Variants in PGS1 observed in about 807,000 individuals in gnomAD.
PGS1 encodes CDP-diacylglycerol--glycerol-3-phosphate 3-phosphatidyltransferase, mitochondrial.
A neutral mutation model predicts 58.3 loss-of-function variants in PGS1; 44 were observed. The observed-to-expected ratio is 0.75, with a 90% confidence interval of 0.59 to 0.97. The LOEUF (loss-of-function observed/expected upper bound fraction) is 0.97, where lower values mean the gene tolerates loss of function less well. Ranked by LOEUF, PGS1 falls within the 50% of genes least tolerant of loss-of-function variation. The pLI, the probability that PGS1 is intolerant of heterozygous loss-of-function variation, is 0.00. For synonymous variants in PGS1, 330 were observed against 311.0 expected, an observed-to-expected ratio of 1.06 and a Z score of -0.64; for missense variants, 684 against 731.1, an observed-to-expected ratio of 0.94 and a Z score of 0.74.
chr17:78,378,877 C>G, intron 1 of PGS1, 69 bp downstream of exon 1: 2 of 1,340,532 alleles, frequency 1.5e-6, no homozygotes, highest in Non-Finnish European at 1.9e-6. Flanking sequence ...CGCTCAAACT[C>G]CCGGCCCCAG....
At chr17:78,393,611 A>G (rs1453888746) in intron 2 of PGS1, among the ~76,000 whole-genome samples, 1 of 152,146 alleles carries the variant, frequency 6.6e-6, no homozygotes, top group Non-Finnish European at 1.5e-5. Flanking sequence ...GTGCGATTTG[A>G]TATGCATGAA....
intron 7 of PGS1, among the ~76,000 whole-genome samples, chr17:78,408,144 T>G (rs1279317719): frequency 6.6e-5 from 10 of 152,242 alleles, no homozygotes; most frequent in African/African-American, 1.2e-4. Flanking sequence ...TCTATCACAT[T>G]TCAATAAATT....
At chr17:78,421,743 C>G (rs1188587101) in intron 9 of PGS1, 2 of 152,088 alleles carry the variant, frequency 1.3e-5, no homozygotes, top group African/African-American at 4.8e-5. Context: ...CACAGCCAGG[C>G]TTAAGCAATC....
At chr17:78,387,943 C>T (rs1567943017) in intron 1 of PGS1, among the ~76,000 whole-genome samples, 1 of 152,140 alleles carries the variant, frequency 6.6e-6, no homozygotes, top group African/African-American at 2.4e-5. Flanking sequence ...GTCTCCTTGG[C>T]ATATGTTGTC....
chr17:78,392,762 C>A, intron 2 of PGS1, 97 bp downstream of exon 2: 1 of 896,442 alleles, frequency 1.1e-6, no homozygotes, highest in East Asian at 2.5e-5. Context: ...CTTTGGATAG[C>A]TGCTCAAGCT....
At chr17:78,412,174 C>T (rs1311578961) in intron 7 of PGS1, among the ~76,000 whole-genome samples, 3 of 152,158 alleles carry the variant, frequency 2.0e-5, no homozygotes, top group East Asian at 1.9e-4. Context: ...AGCAGCACCC[C>T]GTGGCATCTC....
At chr17:78,388,380 G>A (rs886967992) in intron 1 of PGS1, among the ~76,000 whole-genome samples, 4 of 152,184 alleles carry the variant, frequency 2.6e-5, no homozygotes, top group African/African-American at 7.2e-5. Context: ...GGGTTTTTCT[G>A]CTGAAAGTGG....
intron 1 of PGS1, among the ~76,000 whole-genome samples, chr17:78,386,838 G>T (rs920397150): frequency 3.3e-5 from 5 of 152,172 alleles, no homozygotes; most frequent in African/African-American, 1.2e-4. Context: ...CCCCCATGGG[G>T]TTCTGTCTGA....
rs2082902909 is a variant in PGS1 at position 78,392,482 on chromosome 17, A to G, written c.150A>G (p.Pro50=). The stretch of plus-strand genomic sequence containing the variant: ...TGCATATTTCTTTAACCAGGTCACC[A>G]TGGCTGTTATTGGCTCCCTTGCTGT... ...RNRDRQRRRS[P]WLLLAPLLSP... is the part of the protein sequence containing the mutation. The change falls in exon 2 of 10, where the codon CCA becomes CCG. Residue 50 remains proline, a synonymous_variant. Coordinates refer to ENST00000262764, the MANE Select transcript of PGS1 (RefSeq NM_024419.5). 6.2e-7 allele frequency: 1 copy of G among 1,611,246 alleles called. No homozygotes were observed. Among genetic ancestry groups the G allele is most frequent in the Non-Finnish European group, 8.5e-7 (1 of 1,178,856 alleles).
At chr17:78,390,328 G>A (rs1384708590) in intron 1 of PGS1, among the ~76,000 whole-genome samples, 6 of 147,914 alleles carry the variant, frequency 4.1e-5, no homozygotes, top group African/African-American at 1.5e-4. Flanking sequence ...ACGGGGGTGG[G>A]GGAGGAACAG....
intron 1 of PGS1, among the ~76,000 whole-genome samples, chr17:78,382,281 A>AG (rs2082086534): frequency 6.6e-6 from 1 of 152,194 alleles, no homozygotes; most frequent in Admixed American, 6.5e-5. Flanking sequence ...TCTGGGCCAG[A>AG]GACCCAGGAA....
chr17:78,390,193 C>A (rs2090205), intron 1 of PGS1, among the ~76,000 whole-genome samples: 30,835 of 151,900 alleles, frequency 0.2, 3,290 homozygotes, highest in South Asian at 0.25. Flanking sequence ...CCTTCGCTCT[C>A]CTCTCTTGAG....
intron 2 of PGS1, among the ~76,000 whole-genome samples, chr17:78,393,150 T>G (rs570948314): frequency 2.6e-4 from 40 of 151,438 alleles, no homozygotes; most frequent in Middle Eastern, 3.4e-3. Context: ...AAGCTCCGCC[T>G]CTCGGGTTCA....
In PGS1 at chr17:78,403,599, T is replaced by G. The variant is rs2146231424; in HGVS notation, c.912T>G (p.Asn304Lys). 1 of 1,613,188 alleles carries G rather than the reference T, an allele frequency of 6.2e-7. No individual in the cohort carries two copies. Among genetic ancestry groups the G allele is most frequent in the East Asian group, 2.2e-5 (1 of 44,852 alleles). The change falls in exon 7 of 10, where the codon AAT becomes AAG. Residue 304 changes from asparagine (N) to lysine (K), a missense_variant. By Grantham distance (94) the Asn-to-Lys change is moderately conservative (BLOSUM62 0). Transcript: ENST00000262764. ...GDRAEYCKAA[N>K]KRVMDVINSA... ...GGGCCGAGTACTGCAAGGCAGCCAATAAGAGGGTCATGGATGTGATCAACT... is the reference window on the plus strand; with the variant it reads ...GGGCCGAGTACTGCAAGGCAGCCAAGAAGAGGGTCATGGATGTGATCAACT...
At chr17:78,417,068 C>A (rs1288736958) in intron 8 of PGS1, among the ~76,000 whole-genome samples, 65 of 152,294 alleles carry the variant, frequency 4.3e-4, no homozygotes, top group Non-Finnish European at 2.9e-5. Context: ...TTAGTACATA[C>A]AATAAACACT....
At chr17:78,412,957 A>C (rs955338980) in intron 7 of PGS1, among the ~76,000 whole-genome samples, 1 of 89,358 alleles carries the variant, frequency 1.1e-5, no homozygotes, top group Admixed American at 1.2e-4. Flanking sequence ...AGGGGGTGGG[A>C]GGGGGGCTCT....
chr17:78,420,880 T>TC (rs1568013201), intron 9 of PGS1: 1 of 152,184 alleles, frequency 6.6e-6, no homozygotes, highest in East Asian at 1.9e-4. Flanking sequence ...CCTGCTGTCT[T>TC]CCCCCAAAAT....
intron 9 of PGS1, among the ~76,000 whole-genome samples, chr17:78,423,139 C>CAAGA: frequency 6.6e-6 from 1 of 151,958 alleles, no homozygotes; most frequent in African/African-American, 2.4e-5. Context: ...TGTCTTGGTC[C>CAAGA]CCCTGGGATC....
chr17:78,417,655 G>A (rs1363666838), intron 8 of PGS1, among the ~76,000 whole-genome samples: 1 of 152,076 alleles, frequency 6.6e-6, no homozygotes. Context: ...AGTGGCACAG[G>A]CCACCGCTGC....
Sources: gnomAD v4.1 joint callset for allele counts (sites outside exome capture counted in the v4.1 genomes callset) on GRCh38, gnomAD v4.1.1 for gene constraint, MANE v1.5 for transcripts, NCBI Gene and HGNC (gene_info 2026-07-23, HGNC 2026-07-21) for gene names.